DDX50: variants seen among roughly 807,000 people sequenced by gnomAD.
DDX50 encodes the protein DExD-box helicase 50.
In DDX50, 56 loss-of-function variants were observed where a neutral mutation model predicts 94.8. The ratio of observed to expected loss-of-function variants is 0.59; its 90% CI spans 0.48 to 0.74. The LOEUF is 0.74. Among genes scored for constraint, DDX50 ranks in the 30% least tolerant of loss-of-function variants. DDX50 has a pLI of 0.00. For synonymous variants in DDX50, 264 were observed against 295.4 expected, an observed-to-expected ratio of 0.89 and a Z score of 1.09; for missense variants, 713 against 881.2, an observed-to-expected ratio of 0.81 and a Z score of 2.42.
rs115878746 is a variant in DDX50 at position 68,937,485 on chromosome 10, T to C, written c.1755+390T>C. On this transcript the variant is annotated intron_variant, in intron 12 of 14. Coordinates refer to ENST00000373585, the MANE Select transcript of DDX50 (RefSeq NM_024045.2). ...CATCCGTACATACCATGTATAGGTA[T>C]CAGATCAGGATCATTAGCGTATCCA... Among the ~76,000 whole-genome samples, 1,064 of 152,210 alleles carry C rather than the reference T, an allele frequency of 7.0e-3. 16 individuals carry two copies. The highest frequency in any genetic ancestry group is 0.025 in the African/African-American group (1,019 of 41,508).
intron 8 of DDX50, among the ~76,000 whole-genome samples, chr10:68,922,528 C>T (rs1841968491): frequency 6.6e-6 from 1 of 152,026 alleles, no homozygotes; most frequent in South Asian, 2.1e-4. Context: ...GGCATGGTGG[C>T]TCACACCTGT....
chr10:68,930,701 G>C (rs980337802), intron 8 of DDX50, among the ~76,000 whole-genome samples: 3 of 152,108 alleles, frequency 2.0e-5, no homozygotes, highest in African/African-American at 7.2e-5. Context: ...CTGTCCCCCA[G>C]CCTGGAGTAC....
chr10:68,942,168 GTTT>G lies in DDX50; in HGVS notation c.1890+977_1890+979del, dbSNP rs111892743. Among the ~76,000 whole-genome samples, 845 of 152,282 alleles carry G rather than the reference GTTT, an allele frequency of 5.5e-3. 14 individuals are homozygous for G. Among genetic ancestry groups the G allele is most frequent in the African/African-American group, 0.019 (795 of 41,556 alleles). On this transcript the variant is annotated intron_variant, in intron 13 of 14. Transcript: ENST00000373585. ...TATAATTTTGAGGACATGCAGTTTGGTTTTTAAATGGCCTGCTCTTTGTTGTTA... is the reference window on the plus strand; with the variant it reads ...TATAATTTTGAGGACATGCAGTTTGGTTAAATGGCCTGCTCTTTGTTGTTA...
intron 8 of DDX50, among the ~76,000 whole-genome samples, chr10:68,922,299 A>G (rs1248803897): frequency 6.6e-6 from 1 of 152,000 alleles, no homozygotes; most frequent in East Asian, 1.9e-4. Context: ...TGTAGCTGGG[A>G]CTGTAGGCAT....
chr10:68,935,025 T>G (rs914372688), intron 10 of DDX50, 107 bp downstream of exon 10: 2 of 1,377,228 alleles, frequency 1.5e-6, no homozygotes, highest in East Asian at 2.5e-5. Context: ...TTTCTCAGTT[T>G]AAGCTGCATT....
At chr10:68,937,475 T>C (rs1842451213) in intron 12 of DDX50, among the ~76,000 whole-genome samples, 1 of 152,188 alleles carries the variant, frequency 6.6e-6, no homozygotes, top group Non-Finnish European at 1.5e-5. Flanking sequence ...GTACATACCA[T>C]GTATAGGTAT....
At chr10:68,924,907 C>A (rs1445731194) in intron 8 of DDX50, among the ~76,000 whole-genome samples, 1 of 151,980 alleles carries the variant, frequency 6.6e-6, no homozygotes, top group African/African-American at 2.4e-5. Context: ...CTCACAATCA[C>A]CCTCAAGTAT....
chr10:68,943,587 AT>A (rs930574511), intron 14 of DDX50, among the ~76,000 whole-genome samples: 6 of 149,882 alleles, frequency 4.0e-5, no homozygotes, highest in South Asian at 2.1e-4. Flanking sequence ...TGCCCGGATA[AT>A]TTTTTTTTTC....
Position 68,946,830 on chromosome 10 carries a change from T to C in DDX50, c.*200T>C, listed in dbSNP as rs1227867326. 1 of 645,652 alleles carries C rather than the reference T, an allele frequency of 1.5e-6. No individual in the cohort carries two copies. Among genetic ancestry groups the C allele is most frequent in the Non-Finnish European group, 2.5e-6 (1 of 396,152 alleles). 40.0% of individuals were successfully genotyped at this position (645,652 alleles called of 1,614,324 possible). A position where few individuals can be genotyped will look rare whatever the true frequency, so the allele number is the denominator to read the frequency against. ...TATACCTTTGAATAAAAAAACCTCCTTTTATTGTCTCTTTTCACTTATGTG... is the reference window on the plus strand; with the variant it reads ...TATACCTTTGAATAAAAAAACCTCCCTTTATTGTCTCTTTTCACTTATGTG... On this transcript the variant is annotated 3_prime_UTR_variant, in exon 15 of 15. Coordinates refer to ENST00000373585, the MANE Select transcript of DDX50 (RefSeq NM_024045.2).
chr10:68,901,511 C>T, intron 1 of DDX50, 40 bp downstream of exon 1: 1 of 1,539,566 alleles, frequency 6.5e-7, no homozygotes, highest in Non-Finnish European at 8.8e-7. Flanking sequence ...TGGGCTGCGC[C>T]GGCTTGGGCG....
At chr10:68,921,453 A>G (rs920471139) in intron 8 of DDX50, among the ~76,000 whole-genome samples, 1 of 152,138 alleles carries the variant, frequency 6.6e-6, no homozygotes, top group African/African-American at 2.4e-5. Context: ...GATGTCATTT[A>G]GCATGTTCCT....
Position 68,937,069 on chromosome 10 carries a change from C to T in DDX50, c.1729C>T (p.Pro577Ser). Reference protein sequence around the residue: ...AHISGASSFEPRSLITSDKGF... With the variant: ...AHISGASSFESRSLITSDKGF... ...CATTTCTGGTGCATCAAGCTTTGAA[C>T]CACGATCTTTGATCACCTCTGATAA... is the stretch of plus-strand genomic sequence containing the variant. Residue 577 changes from proline (P) to serine (S), a missense_variant, in exon 12 of 15, where the codon CCA becomes TCA. Physicochemically the swap from Pro to Ser is moderately conservative, Grantham distance 74 (BLOSUM62 -1). Coordinates refer to ENST00000373585, the MANE Select transcript of DDX50 (RefSeq NM_024045.2). 6.2e-7 allele frequency: 1 copy of T among 1,612,942 alleles called. No homozygotes were observed. Among genetic ancestry groups the T allele is most frequent in the Non-Finnish European group, 8.5e-7 (1 of 1,179,608 alleles).
chr10:68,918,227 A>G (rs1261548478), intron 7 of DDX50, among the ~76,000 whole-genome samples: 3 of 151,970 alleles, frequency 2.0e-5, no homozygotes, highest in Admixed American at 6.6e-5. Flanking sequence ...CCCTGCCTAT[A>G]TATATCTTTA....
rs1842355373 is a variant in DDX50, at chr10:68,934,478, T to A, written c.1401+118T>A. ...TCATCTCTTCTTGCTCTTAGCCATT[T>A]TTTGTTAGTGTGCTATTAAATTTAT... is the stretch of plus-strand genomic sequence containing the variant. On this transcript the variant is annotated intron_variant, in intron 9 of 14. Coordinates refer to ENST00000373585, the MANE Select transcript of DDX50 (RefSeq NM_024045.2). This position sits in a 1 kb window ranked among gnomAD's most constrained non-coding sequence, Gnocchi z 4.0. 7.3e-7 allele frequency: 1 copy of A among 1,376,266 alleles called. No individual in the cohort carries two copies. Among genetic ancestry groups the A allele is most frequent in the Non-Finnish European group, 9.9e-7 (1 of 1,006,576 alleles). The allele number at this position is 1,376,266 out of a possible 1,614,324, so 85.3% of individuals were successfully genotyped here.
Position 68,910,309 on chromosome 10 carries a change from C to G in DDX50, c.387C>G (p.Thr129=). 1 of 1,603,730 alleles carries G rather than the reference C, an allele frequency of 6.2e-7. No homozygotes were observed. Among genetic ancestry groups the G allele is most frequent in the Non-Finnish European group, 8.5e-7 (1 of 1,176,844 alleles). The change falls in exon 3 of 15, where the codon ACC becomes ACG. Residue 129 remains threonine (T), a splice_region_variant and synonymous_variant. Coordinates refer to ENST00000373585, the MANE Select transcript of DDX50 (RefSeq NM_024045.2). ...HKSSDNKLEE[T]LTREQKEGAF... ...GGCCATTGATTTCATTTTTACAGAC[C>G]TTAACACGTGAACAGAAAGAAGGAG...
intron 1 of DDX50, among the ~76,000 whole-genome samples, chr10:68,906,043 T>A (rs1010615658): frequency 1.1e-4 from 16 of 152,218 alleles, no homozygotes; most frequent in African/African-American, 3.9e-4. Flanking sequence ...AGCACCCCGG[T>A]AGGGTTTGGG....
intron 8 of DDX50, among the ~76,000 whole-genome samples, chr10:68,922,936 C>G (rs1420642571): frequency 6.7e-6 from 1 of 149,400 alleles, no homozygotes; most frequent in Non-Finnish European, 1.5e-5. Context: ...GGACTACAGG[C>G]GCATGCCACC....
intron 8 of DDX50, among the ~76,000 whole-genome samples, chr10:68,920,895 C>T (rs1841921649): frequency 7.1e-6 from 1 of 140,096 alleles, no homozygotes; most frequent in Non-Finnish European, 1.5e-5. Context: ...TAGCGGGGAG[C>T]TGAGATTGTG....
chr10:68,910,051 A>G (rs1589250558), intron 2 of DDX50, among the ~76,000 whole-genome samples: 3 of 152,270 alleles, frequency 2.0e-5, no homozygotes, highest in East Asian at 3.9e-4. Flanking sequence ...CTAAGTGAGC[A>G]TGGTGGCATG....
Sources: gnomAD v4.1 joint callset for allele counts (sites outside exome capture counted in the v4.1 genomes callset) on GRCh38, gnomAD v4.1.1 for gene constraint, Gnocchi (gnomAD v3.1) non-coding constraint, MANE v1.5 for transcripts, NCBI Gene and HGNC (gene_info 2026-07-23, HGNC 2026-07-21) for gene names.